The following UNC5D variants were observed in gnomAD, a reference collection of about 807,000 sequenced individuals.
UNC5D encodes the protein netrin receptor UNC5D.
In UNC5D, 39 loss-of-function variants were observed where a neutral mutation model predicts 105.4. That is an observed-to-expected ratio of 0.37 (90% CI 0.29 to 0.48). The LOEUF is 0.48. UNC5D is among the 20% of genes least tolerant of loss of function. UNC5D has a pLI of 0.98. For synonymous variants in UNC5D, 452 were observed against 450.4 expected (o/e 1.00, Z -0.04); for missense variants, 991 against 1,202.4 (o/e 0.82, Z 2.60).
At chr8:35,752,327 C>T (rs185953464) in intron 13 of UNC5D, among the ~76,000 whole-genome samples, 2 of 152,128 alleles carry the variant, frequency 1.3e-5, no homozygotes, top group Non-Finnish European at 2.9e-5. Flanking sequence ...GTCATTAAGT[C>T]CATTATGCAG....
intron 14 of UNC5D, among the ~76,000 whole-genome samples, chr8:35,763,034 T>G (rs1801611474): frequency 6.6e-6 from 1 of 152,222 alleles, no homozygotes; most frequent in Admixed American, 6.5e-5. Flanking sequence ...TCCTCTCAGC[T>G]CAGAGAGCTC....
chr8:35,728,830 G>T (rs145949237), intron 10 of UNC5D, among the ~76,000 whole-genome samples: 2 of 152,284 alleles, frequency 1.3e-5, no homozygotes, highest in African/African-American at 4.8e-5. Flanking sequence ...CAAATAAAAG[G>T]CTGTCAGGGT....
intron 1 of UNC5D, among the ~76,000 whole-genome samples, chr8:35,489,874 A>G (rs1359574822): frequency 6.6e-6 from 1 of 152,234 alleles, no homozygotes; most frequent in Non-Finnish European, 1.5e-5. Flanking sequence ...AGACAAGCCC[A>G]TCAAAGATTT....
chr8:35,599,892 G>A (rs571319523), intron 4 of UNC5D, among the ~76,000 whole-genome samples: 2 of 152,248 alleles, frequency 1.3e-5, no homozygotes, highest in South Asian at 4.1e-4. Context: ...ATGTTGGTGT[G>A]CTGCACCCAT....
chr8:35,508,938 AAACTT>A (rs1812508309), intron 1 of UNC5D, among the ~76,000 whole-genome samples: 1 of 152,236 alleles, frequency 6.6e-6, no homozygotes. Context: ...CATTTTGTCA[AAACTT>A]AAATAGTTTG....
At chr8:35,461,342 T>C (rs1808880947) in intron 1 of UNC5D, among the ~76,000 whole-genome samples, 1 of 152,188 alleles carries the variant, frequency 6.6e-6, no homozygotes, top group Non-Finnish European at 1.5e-5. Flanking sequence ...TCTACATTGC[T>C]TATGTTCGGA....
intron 1 of UNC5D, among the ~76,000 whole-genome samples, chr8:35,486,404 G>T (rs909007434): frequency 1.3e-5 from 2 of 152,042 alleles, no homozygotes; most frequent in Non-Finnish European, 2.9e-5. Flanking sequence ...GATGGAGAGG[G>T]GCCCAAGGAA....
At chr8:35,565,246 ATCTATTATT>A in intron 2 of UNC5D, among the ~76,000 whole-genome samples, 1 of 152,178 alleles carries the variant, frequency 6.6e-6, no homozygotes, top group Non-Finnish European at 1.5e-5. Context: ...CCATGCCAAC[ATCTATTATT>A]TTTTGACTTT....
intron 1 of UNC5D, among the ~76,000 whole-genome samples, chr8:35,270,549 A>G (rs1216333095): frequency 1.3e-5 from 2 of 152,236 alleles, no homozygotes; most frequent in African/African-American, 2.4e-5. Flanking sequence ...TAATGATAAT[A>G]CAATAGGCTT....
chr8:35,356,195 T>A (rs1178102526), intron 1 of UNC5D, among the ~76,000 whole-genome samples: 1 of 152,138 alleles, frequency 6.6e-6, no homozygotes, highest in Non-Finnish European at 1.5e-5. Context: ...GTTTGCCTAT[T>A]TTCCCCACAA....
At position 35,766,977 on chromosome 8, in the gene UNC5D, C is replaced by G. The variant is rs756612078; in HGVS notation, c.2389C>G (p.Pro797Ala). The G allele has an allele frequency of 6.2e-7, 1 of 1,614,076 alleles. No homozygotes were observed. The highest frequency in any genetic ancestry group is 1.1e-5 in the South Asian group (1 of 91,082). ...HCAFSLERYT[P>A]TTTQLSCKIC... Reference sequence around the variant, plus strand: ...TGCCTTCTCCCTGGAGCGTTATACGCCCACTACCACCCAGCTGTCCTGCAA... The same window carrying G: ...TGCCTTCTCCCTGGAGCGTTATACGGCCACTACCACCCAGCTGTCCTGCAA... Residue 797 changes from proline (P) to alanine (A), a missense_variant, in exon 15 of 17, where the codon CCC becomes GCC. Coordinates refer to ENST00000404895, the MANE Select transcript of UNC5D (RefSeq NM_080872.4).
In UNC5D at chr8:35,512,535, G is replaced by GTATATATATA. The variant is rs71887063; in HGVS notation, c.104-36754_104-36753insATATATATAT. 3.9e-4 allele frequency among the ~76,000 whole-genome samples: 13 copies of GTATATATATA among 33,428 alleles called. 1 individual carries two copies. The highest frequency in any genetic ancestry group is 2.2e-3 in the African/African-American group (10 of 4,524). The allele number at this position is 33,428 out of a possible 152,430, so 21.9% of individuals were successfully genotyped here. ...CTGCATAGATTATATATTCAGATATGTATGTATATATATATATATATATAT... is the reference window on the plus strand; with the variant it reads ...CTGCATAGATTATATATTCAGATATGTATATATATATATGTATATATATATATATATATAT... On this transcript the variant is annotated intron_variant, in intron 1 of 16. Coordinates refer to ENST00000404895, the MANE Select transcript of UNC5D (RefSeq NM_080872.4).
At chr8:35,419,766 G>T (rs968009442) in intron 1 of UNC5D, among the ~76,000 whole-genome samples, 1 of 152,196 alleles carries the variant, frequency 6.6e-6, no homozygotes. Flanking sequence ...CAGTGTTACT[G>T]GTCCTTTTAC....
At chr8:35,669,784 G>T (rs1586381442) in intron 4 of UNC5D, among the ~76,000 whole-genome samples, 1 of 152,014 alleles carries the variant, frequency 6.6e-6, no homozygotes, top group African/African-American at 2.4e-5. Context: ...TGTCAAACAG[G>T]TAAGGAAATC....
intron 1 of UNC5D, among the ~76,000 whole-genome samples, chr8:35,540,720 C>G (rs1815216670): frequency 1.3e-5 from 2 of 151,944 alleles, no homozygotes; most frequent in African/African-American, 4.8e-5. Flanking sequence ...TGTAGAATCT[C>G]TGGCTTAGAT....
At chr8:35,281,000 C>G (rs957892072) in intron 1 of UNC5D, among the ~76,000 whole-genome samples, 3 of 152,160 alleles carry the variant, frequency 2.0e-5, no homozygotes. Context: ...CAGCTTGATG[C>G]CTTTTCCCCG....
intron 4 of UNC5D, among the ~76,000 whole-genome samples, chr8:35,649,286 A>C (rs1002398555): frequency 8.5e-4 from 130 of 152,272 alleles, no homozygotes; most frequent in African/African-American, 3.0e-3. Flanking sequence ...AGTGGCACTA[A>C]GAGATGGCAT....
At chr8:35,698,752 T>C (rs1326004308) in intron 7 of UNC5D, among the ~76,000 whole-genome samples, 1 of 152,186 alleles carries the variant, frequency 6.6e-6, no homozygotes, top group Non-Finnish European at 1.5e-5. Flanking sequence ...ATATATTAAT[T>C]TCATTTTGAT....
intron 1 of UNC5D, among the ~76,000 whole-genome samples, chr8:35,510,046 T>C (rs1812593277): frequency 6.6e-6 from 1 of 152,144 alleles, no homozygotes; most frequent in East Asian, 1.9e-4. Context: ...GAACCTCCAG[T>C]GTCCAGCAAC....
Sources: allele counts gnomAD v4.1 joint callset (sites outside exome capture counted in the v4.1 genomes callset), GRCh38; gene constraint gnomAD v4.1.1; transcripts MANE v1.5; gene names NCBI Gene and HGNC (gene_info 2026-07-23, HGNC 2026-07-21).